Variants in MPP7 observed in about 807,000 individuals in gnomAD.
MPP7 encodes the protein MAGUK p55 scaffold protein 7.
In MPP7, 60 loss-of-function variants were observed where a neutral mutation model predicts 76.5. The ratio of observed to expected loss-of-function variants is 0.78; its 90% CI spans 0.64 to 0.97. The LOEUF (loss-of-function observed/expected upper bound fraction) is 0.97, where lower values mean the gene tolerates loss of function less well. Ranked by LOEUF, MPP7 falls within the 50% of genes least tolerant of loss-of-function variation. The pLI is 0.00. For missense variants in MPP7, 641 were observed against 694.0 expected, an observed-to-expected ratio of 0.92 and a Z score of 0.86; for synonymous variants, 237 against 244.5, an observed-to-expected ratio of 0.97 and a Z score of 0.29.
chr10:28,251,142 T>C (rs1019442611), intron 1 of MPP7, among the ~76,000 whole-genome samples: 8 of 152,186 alleles, frequency 5.3e-5, no homozygotes, highest in African/African-American at 1.9e-4. Flanking sequence ...TAACATATTT[T>C]TGATTTAAGA....
chr10:28,283,844 T>G (rs1235485795), intron 1 of MPP7, among the ~76,000 whole-genome samples: 2 of 152,272 alleles, frequency 1.3e-5, no homozygotes, highest in African/African-American at 4.8e-5. Flanking sequence ...CCAAAATTGT[T>G]ATTAGACAGG....
At chr10:28,316,294 G>T (rs771827729) in intron 2 of MPP7, among the ~76,000 whole-genome samples, 4 of 151,794 alleles carry the variant, frequency 2.6e-5, no homozygotes, top group African/African-American at 4.8e-5. Flanking sequence ...AAAATTAGCC[G>T]GGCATGGTGG....
chr10:28,158,103 T>TG, intron 3 of MPP7, among the ~76,000 whole-genome samples: 1 of 152,296 alleles, frequency 6.6e-6, no homozygotes, highest in East Asian at 1.9e-4. Context: ...CCTGCACAGT[T>TG]GGTAACACCC....
At chr10:28,068,458 TC>T (rs1424564315) in intron 13 of MPP7, among the ~76,000 whole-genome samples, 1 of 152,020 alleles carries the variant, frequency 6.6e-6, no homozygotes, top group African/African-American at 2.4e-5. Flanking sequence ...AGCCAACATT[TC>T]AATTTAGCCT....
intron 2 of MPP7, among the ~76,000 whole-genome samples, chr10:28,314,136 G>A (rs904954915): frequency 1.3e-5 from 2 of 152,006 alleles, no homozygotes; most frequent in Non-Finnish European, 2.9e-5. Context: ...TATGCATTAC[G>A]ATACTTCATC....
In MPP7 at chr10:28,120,256, C is replaced by T. The variant is rs759344352; in HGVS notation, c.825G>A (p.Ala275=). 2.6e-5 allele frequency: 42 copies of T among 1,613,850 alleles called. No homozygotes were observed. The highest frequency in any genetic ancestry group is 1.2e-4 in the Admixed American group (7 of 59,990). ...TGGGGTTGGCATCAGCTTCGTGTTTCGCTTGCCACCAAGTTGCATCATCTT... is the reference window on the plus strand; with the variant it reads ...TGGGGTTGGCATCAGCTTCGTGTTTTGCTTGCCACCAAGTTGCATCATCTT... The part of the protein sequence containing the change: ...MSQDDATWWQ[A]KHEADANPRA... The change falls in exon 10 of 17, where the codon GCG becomes GCA. Residue 275 remains alanine, a synonymous_variant. Coordinates refer to ENST00000683449, the MANE Select transcript of MPP7 (RefSeq NM_001318170.2).
chr10:28,321,429 T>A (rs1332325406), intron 2 of MPP7, among the ~76,000 whole-genome samples: 1 of 152,118 alleles, frequency 6.6e-6, no homozygotes, highest in East Asian at 1.9e-4. Context: ...ATTTTATAGG[T>A]GAGAAAACTG....
rs1390847304 is a variant in MPP7 at position 28,069,838 on chromosome 10, C to A, written c.1138G>T (p.Gly380Trp). The change falls in exon 13 of 17, where the codon GGG (glycine) becomes TGG (tryptophan). Residue 380 changes from glycine to tryptophan, a missense_variant. By Grantham distance (184) the Gly-to-Trp change is radical (BLOSUM62 -2). Transcript: ENST00000683449. ...LVVLVGPVGV[G>W]LNELKRKLLI... is the part of the protein sequence containing the mutation. ...AGCTTTCGTTTCAGTTCATTCAGCC[C>A]TACTCCCACGGGACCTGAAAAACAG... is the stretch of plus-strand genomic sequence containing the variant. The A allele has an allele frequency of 6.2e-7, 1 of 1,613,654 alleles. No individual in the cohort carries two copies. Among genetic ancestry groups the A allele is most frequent in the East Asian group, 2.2e-5 (1 of 44,848 alleles).
chr10:28,146,405 G>GTTTTTTTT (rs11316234), intron 5 of MPP7, among the ~76,000 whole-genome samples: 1 of 114,406 alleles, frequency 8.7e-6, no homozygotes, highest in Non-Finnish European at 1.8e-5. Flanking sequence ...TTGTTTTTTT[G>GTTTTTTTT]TTTTTTTTTT....
intron 5 of MPP7, among the ~76,000 whole-genome samples, chr10:28,138,117 T>TA (rs1010381460): frequency 5.3e-5 from 8 of 152,216 alleles, no homozygotes; most frequent in Admixed American, 6.5e-5. Context: ...TATTGCCTTT[T>TA]AAAAAATCTA....
intron 2 of MPP7, among the ~76,000 whole-genome samples, chr10:28,222,069 A>G (rs1838528111): frequency 6.6e-6 from 1 of 152,148 alleles, no homozygotes. Context: ...AACAGAAAAG[A>G]CTATTTTAAT....
In MPP7 at chr10:28,182,820, G is replaced by A. The variant is rs1433534168; in HGVS notation, c.156+19333C>T. ...GAGCCGGGTGCAGTGGCTCACGCCT[G>A]TAATCCCACCACTTTGGGAGGCCAA... On this transcript the variant is annotated intron_variant, in intron 3 of 16. Coordinates refer to ENST00000683449, the MANE Select transcript of MPP7 (RefSeq NM_001318170.2). Among the ~76,000 whole-genome samples the A allele has an allele frequency of 6.6e-5, 10 of 152,248 alleles. No individual in the cohort carries two copies. In the East Asian group the frequency reaches 1.9e-3, roughly 29 times the overall value.
intron 13 of MPP7, among the ~76,000 whole-genome samples, chr10:28,069,271 A>AT (rs1286955833): frequency 1.3e-5 from 2 of 152,206 alleles, no homozygotes; most frequent in African/African-American, 4.8e-5. Flanking sequence ...TGGATACCAC[A>AT]TTCTCCATGA....
At chr10:28,242,091 C>G (rs1367822675) in intron 1 of MPP7, among the ~76,000 whole-genome samples, 1 of 152,170 alleles carries the variant, frequency 6.6e-6, no homozygotes, top group African/African-American at 2.4e-5. Context: ...TACACACACA[C>G]ACAGTTAATA....
chr10:28,119,753 G>A (rs1222824293), intron 10 of MPP7, 38 bp from the exon 11 acceptor site: 3 of 1,532,912 alleles, frequency 2.0e-6, no homozygotes, highest in Admixed American at 3.4e-5. Context: ...TCAATTTTCA[G>A]CACAGGTCCG....
At position 28,217,526 on chromosome 10, in the gene MPP7, C is replaced by CA. The variant is rs773506497; in HGVS notation, c.38-15256dup. Among the ~76,000 whole-genome samples the CA allele has an allele frequency of 3.6e-3, 214 of 58,728 alleles. 3 individuals are homozygous for CA. The highest frequency in any genetic ancestry group is 4.0e-3 in the Non-Finnish European group (107 of 26,840). The allele number at this position is 58,728 out of a possible 152,430, so 38.5% of individuals were successfully genotyped here. On this transcript the variant is annotated intron_variant, in intron 2 of 16. Coordinates refer to ENST00000683449, the MANE Select transcript of MPP7 (RefSeq NM_001318170.2). ...AGGGTGACAGAGTGAGACTCTGTCTCAAAAAAAAAAAAAAAGAAAAGAAAA... is the reference window on the plus strand; with the variant it reads ...AGGGTGACAGAGTGAGACTCTGTCTCAAAAAAAAAAAAAAAAGAAAAGAAAA...
chr10:28,250,184 G>GTT (rs1463904406), intron 1 of MPP7, among the ~76,000 whole-genome samples: 1 of 152,032 alleles, frequency 6.6e-6, no homozygotes, highest in Non-Finnish European at 1.5e-5. Context: ...AACATCCTTT[G>GTT]TTTTGGAGAG....
chr10:28,283,389 C>A (rs77125901), intron 1 of MPP7, among the ~76,000 whole-genome samples: 1,580 of 152,138 alleles, frequency 0.01, 31 homozygotes, highest in East Asian at 0.071. Flanking sequence ...ACTCAAAGAG[C>A]TGAATTAAGC....
chr10:28,115,430 G>A (rs528268487), intron 11 of MPP7, among the ~76,000 whole-genome samples: 1 of 152,132 alleles, frequency 6.6e-6, no homozygotes, highest in African/African-American at 2.4e-5. Flanking sequence ...AAAACCCCAC[G>A]TGTTTCTGTT....
Sources: allele counts gnomAD v4.1 joint callset (sites outside exome capture counted in the v4.1 genomes callset), GRCh38; gene constraint gnomAD v4.1.1; transcripts MANE v1.5; gene names NCBI Gene and HGNC (gene_info 2026-07-23, HGNC 2026-07-21).